MECOM: variants seen among roughly 807,000 people sequenced by gnomAD.
MECOM encodes the protein MDS1 and EVI1 complex locus.
A neutral mutation model predicts 116.3 loss-of-function variants in MECOM; 13 were observed. That is an observed-to-expected ratio of 0.11 (90% CI 0.07 to 0.18). MECOM has a LOEUF of 0.18. Among genes scored for constraint, MECOM ranks in the 10% least tolerant of loss-of-function variants. MECOM has a pLI of 1.00. For missense variants in MECOM, 1,299 were observed against 1,509.0 expected (o/e 0.86, Z 2.31); for synonymous variants, 528 against 535.2 (o/e 0.99, Z 0.19).
intron 1 of MECOM, among the ~76,000 whole-genome samples, chr3:169,584,422 G>A (rs983403859): frequency 4.6e-5 from 7 of 151,536 alleles, no homozygotes; most frequent in African/African-American, 9.7e-5. Context: ...AAAATTAGCC[G>A]GGCGTGGTGG....
chr3:169,201,604 T>C (rs1577331344), intron 2 of MECOM, among the ~76,000 whole-genome samples: 1 of 152,218 alleles, frequency 6.6e-6, no homozygotes, highest in East Asian at 1.9e-4. Flanking sequence ...TAGTTGTACA[T>C]TTCCATAGTA....
intron 1 of MECOM, among the ~76,000 whole-genome samples, chr3:169,608,574 T>C (rs1286464221): frequency 2.0e-5 from 3 of 152,136 alleles, no homozygotes; most frequent in Non-Finnish European, 4.4e-5. Flanking sequence ...TTTCCAGTCA[T>C]GTACCAGTGC....
At position 169,610,450 on chromosome 3, in the gene MECOM, T is replaced by C. The variant is rs1411539372; in HGVS notation, c.37+52886A>G. Reference sequence around the variant, plus strand: ...AGCACTTTGAAAGTGTTGACCAATTTAATCCTTGAAACAACTCTGTATGGT... The same window carrying C: ...AGCACTTTGAAAGTGTTGACCAATTCAATCCTTGAAACAACTCTGTATGGT... On this transcript the variant is annotated intron_variant, in intron 1 of 16. Transcript: ENST00000651503. 4.6e-5 allele frequency among the ~76,000 whole-genome samples: 7 copies of C among 152,108 alleles called. No homozygotes were observed. In the East Asian group the frequency reaches 1.3e-3, roughly 29 times the overall value.
chr3:169,198,413 A>T (rs998333969), intron 2 of MECOM, among the ~76,000 whole-genome samples: 4 of 151,944 alleles, frequency 2.6e-5, no homozygotes, highest in African/African-American at 9.7e-5. Flanking sequence ...TTCTATTTTA[A>T]TTTCTGATTA....
intron 2 of MECOM, among the ~76,000 whole-genome samples, chr3:169,378,389 G>GAAAGAAAGAA (rs1337728640): frequency 3.6e-5 from 1 of 27,798 alleles, no homozygotes; most frequent in Non-Finnish European, 5.8e-5. Flanking sequence ...AGGAAGACAA[G>GAAAGAAAGAA]AAAGAAAGAA....
intron 2 of MECOM, among the ~76,000 whole-genome samples, chr3:169,374,943 T>C (rs1243060508): frequency 1.3e-5 from 2 of 151,778 alleles, no homozygotes; most frequent in African/African-American, 4.8e-5. Context: ...AGACTGAGGC[T>C]GGAAAATGGC....
chr3:169,107,431 A>G (rs915784772), intron 10 of MECOM, among the ~76,000 whole-genome samples: 10 of 152,166 alleles, frequency 6.6e-5, no homozygotes, highest in African/African-American at 2.4e-4. Context: ...TGAATTTGTA[A>G]ACATTTAGTT....
chr3:169,147,802 A>G, intron 2 of MECOM: 1 of 834,432 alleles, frequency 1.2e-6, no homozygotes, highest in Non-Finnish European at 1.4e-6. Context: ...GGGATGGGGA[A>G]GGGTAGAGAA....
intron 2 of MECOM, among the ~76,000 whole-genome samples, chr3:169,208,790 C>A (rs527389964): frequency 6.6e-6 from 1 of 151,714 alleles, no homozygotes; most frequent in South Asian, 2.1e-4. Flanking sequence ...AGATTCAATT[C>A]TATTCCCATC....
chr3:169,644,885 T>A (rs7625122), intron 1 of MECOM, among the ~76,000 whole-genome samples: 52,406 of 152,018 alleles, frequency 0.34, 10,025 homozygotes, highest in East Asian at 0.54. Flanking sequence ...GTGTCCAAAG[T>A]TATACACCTG....
chr3:169,305,197 GAGA>G (rs1717442321), intron 2 of MECOM, among the ~76,000 whole-genome samples: 1 of 152,200 alleles, frequency 6.6e-6, no homozygotes, highest in South Asian at 2.1e-4. Context: ...AGTACACTCT[GAGA>G]AGGAGCTACT....
intron 2 of MECOM, among the ~76,000 whole-genome samples, chr3:169,268,766 A>G (rs1480236268): frequency 1.3e-5 from 2 of 152,218 alleles, no homozygotes; most frequent in African/African-American, 2.4e-5. Flanking sequence ...CGTCTTCCCT[A>G]TAGCCAAGCA....
chr3:169,552,477 A>C (rs970319511), intron 1 of MECOM, among the ~76,000 whole-genome samples: 2 of 152,184 alleles, frequency 1.3e-5, no homozygotes, highest in African/African-American at 4.8e-5. Flanking sequence ...AATTCTTTGC[A>C]TGTATTAACT....
chr3:169,137,930 C>T (rs1736864800), intron 3 of MECOM, among the ~76,000 whole-genome samples: 2 of 152,010 alleles, frequency 1.3e-5, no homozygotes. Context: ...ACAGACCCCC[C>T]AAAAATATCC....
chr3:169,623,551 C>T (rs1206527697), intron 1 of MECOM, among the ~76,000 whole-genome samples: 1 of 152,268 alleles, frequency 6.6e-6, no homozygotes, highest in African/African-American at 2.4e-5. Flanking sequence ...CCACTGTCTA[C>T]AGCCGTACCA....
intron 2 of MECOM, among the ~76,000 whole-genome samples, chr3:169,219,267 G>C (rs1051592118): frequency 6.6e-6 from 1 of 152,190 alleles, no homozygotes; most frequent in African/African-American, 2.4e-5. Context: ...AGCACTTCGG[G>C]AGGCCGAGGA....
chr3:169,650,955 A>C (rs975932132), intron 1 of MECOM, among the ~76,000 whole-genome samples: 1 of 152,038 alleles, frequency 6.6e-6, no homozygotes, highest in Admixed American at 6.6e-5. Flanking sequence ...TACAGACAAA[A>C]ATCCAAGGTA....
intron 2 of MECOM, among the ~76,000 whole-genome samples, chr3:169,274,104 G>A (rs2149663669): frequency 6.6e-6 from 1 of 152,010 alleles, no homozygotes; most frequent in South Asian, 2.1e-4. Flanking sequence ...TAGAGACAGG[G>A]TTTCACCATG....
intron 1 of MECOM, among the ~76,000 whole-genome samples, chr3:169,438,479 C>T (rs566472415): frequency 6.6e-6 from 1 of 152,282 alleles, no homozygotes; most frequent in African/African-American, 2.4e-5. Context: ...ATCGAGTTAG[C>T]ACTAGGGAAC....
Sources: allele counts gnomAD v4.1 joint callset (sites outside exome capture counted in the v4.1 genomes callset), GRCh38; gene constraint gnomAD v4.1.1; transcripts MANE v1.5; gene names NCBI Gene and HGNC (gene_info 2026-07-23, HGNC 2026-07-21).